FOXN3: variants seen among roughly 807,000 people sequenced by gnomAD.
The protein encoded by FOXN3 is forkhead box protein N3.
In FOXN3, 7 loss-of-function variants were observed where a neutral mutation model predicts 38.4. The ratio of observed to expected loss-of-function variants is 0.18; its 90% confidence interval spans 0.10 to 0.34. The LOEUF (loss-of-function observed/expected upper bound fraction) is 0.34. Among genes scored for constraint, FOXN3 ranks in the 10% least tolerant of loss-of-function variants. The pLI is 1.00. For missense variants in FOXN3, 456 were observed against 613.4 expected (o/e 0.74, Z 2.71); for synonymous variants, 230 against 242.2 (o/e 0.95, Z 0.47).
chr14:89,384,507 T>C (rs1890740554), intron 2 of FOXN3, among the ~76,000 whole-genome samples: 1 of 152,182 alleles, frequency 6.6e-6, no homozygotes, highest in African/African-American at 2.4e-5. Context: ...CTAATGACTT[T>C]CATTCATATA....
intron 1 of FOXN3, among the ~76,000 whole-genome samples, chr14:89,415,296 GCT>G (rs1224125542): frequency 6.6e-6 from 1 of 152,152 alleles, no homozygotes; most frequent in Non-Finnish European, 1.5e-5. Flanking sequence ...ACAACATGCT[GCT>G]CTCTTTCTTT....
chr14:89,197,238 T>G (rs1381803505), intron 4 of FOXN3, among the ~76,000 whole-genome samples: 1 of 152,134 alleles, frequency 6.6e-6, no homozygotes, highest in Non-Finnish European at 1.5e-5. Context: ...CTGGGAGTGG[T>G]AGCTTGTGCC....
At chr14:89,494,355 A>G (rs377210769) in intron 1 of FOXN3, among the ~76,000 whole-genome samples, 31 of 152,240 alleles carry the variant, frequency 2.0e-4, no homozygotes, top group African/African-American at 7.2e-4. Context: ...CACTGCTTTA[A>G]TATTTTTTTA....
chr14:89,171,495 A>C (rs1181302124), intron 5 of FOXN3, among the ~76,000 whole-genome samples: 2 of 152,208 alleles, frequency 1.3e-5, no homozygotes, highest in Non-Finnish European at 2.9e-5. Flanking sequence ...AAACAAAGAC[A>C]CAAAATTCAT....
At chr14:89,421,481 C>T (rs1200033855), upstream of FOXN3, among the ~76,000 whole-genome samples, 1 of 149,648 alleles carries the variant, frequency 6.7e-6, no homozygotes, top group African/African-American at 2.5e-5. Flanking sequence ...TGAAATCGTG[C>T]AATTGTCCGT....
intron 1 of FOXN3, among the ~76,000 whole-genome samples, chr14:89,414,879 C>T (rs1485912371): frequency 2.0e-5 from 3 of 152,132 alleles, no homozygotes; most frequent in East Asian, 3.9e-4. Flanking sequence ...GGAGAGAAAA[C>T]TTCATGAGGC....
At chr14:89,443,652 A>T (rs1354819711) in intron 1 of FOXN3, among the ~76,000 whole-genome samples, 1 of 152,220 alleles carries the variant, frequency 6.6e-6, no homozygotes. Context: ...TCAGAGAACC[A>T]AGAAATGGAC....
At chr14:89,557,406 TGGTG>T (rs1566698969) in intron 1 of FOXN3, among the ~76,000 whole-genome samples, 1 of 152,024 alleles carries the variant, frequency 6.6e-6, no homozygotes, top group Non-Finnish European at 1.5e-5. Flanking sequence ...ATACATAAGG[TGGTG>T]AGATGTGCCA....
At chr14:89,229,884 A>G (rs966673638) in intron 4 of FOXN3, among the ~76,000 whole-genome samples, 1 of 152,232 alleles carries the variant, frequency 6.6e-6, no homozygotes, top group Non-Finnish European at 1.5e-5. Context: ...AGGTACAGGC[A>G]GAGGAGAACA....
At chr14:89,417,626 A>AC (rs936243644), upstream of FOXN3, 8 of 451,814 alleles carry the variant, frequency 1.8e-5, no homozygotes, top group African/African-American at 1.6e-4. Context: ...GAACGCTCCT[A>AC]CCCCATCTGC....
chr14:89,288,453 C>T lies in FOXN3; in HGVS notation c.681-7439G>A, dbSNP rs569127967. The stretch of plus-strand genomic sequence containing the variant: ...GCAGCTGCTCTGGCACCATATCTAT[C>T]GAGCTATTTTATTTTACTTTTAAAC... On this transcript the variant is annotated intron_variant, in intron 3 of 5. Transcript: ENST00000557258. Among the ~76,000 whole-genome samples, 75 of 152,106 alleles carry T rather than the reference C, an allele frequency of 4.9e-4. 1 individual carries two copies. The highest frequency in any genetic ancestry group is 1.7e-3 in the African/African-American group (71 of 41,482).
chr14:89,552,607 C>T (rs1344895583), intron 1 of FOXN3, among the ~76,000 whole-genome samples: 1 of 152,110 alleles, frequency 6.6e-6, no homozygotes, highest in Non-Finnish European at 1.5e-5. Flanking sequence ...ACCTGTAATC[C>T]CAACACTTTG....
chr14:89,273,833 G>A (rs1278490361), intron 4 of FOXN3, among the ~76,000 whole-genome samples: 1 of 152,196 alleles, frequency 6.6e-6, no homozygotes, highest in Non-Finnish European at 1.5e-5. Flanking sequence ...ATGATGCCAA[G>A]AATAAAGGGC....
chr14:89,272,237 C>T (rs1211832957), intron 4 of FOXN3, among the ~76,000 whole-genome samples: 3 of 151,846 alleles, frequency 2.0e-5, no homozygotes, highest in Non-Finnish European at 4.4e-5. Context: ...CGCTTGAACC[C>T]GGGAGGCGGA....
At chr14:89,617,223 T>C (rs921469447) in intron 1 of FOXN3, among the ~76,000 whole-genome samples, 6 of 152,234 alleles carry the variant, frequency 3.9e-5, no homozygotes, top group Non-Finnish European at 8.8e-5. Context: ...GGACAGTGCT[T>C]CTTTAATGAA....
intron 3 of FOXN3, among the ~76,000 whole-genome samples, chr14:89,322,902 TC>T (rs1392255199): frequency 1.3e-5 from 2 of 151,884 alleles, no homozygotes; most frequent in African/African-American, 4.8e-5. Flanking sequence ...CAAAAGAAAG[TC>T]CCCGCTCTCA....
intron 4 of FOXN3, among the ~76,000 whole-genome samples, chr14:89,240,972 T>G (rs1217320160): frequency 6.6e-6 from 1 of 152,144 alleles, no homozygotes; most frequent in Non-Finnish European, 1.5e-5. Flanking sequence ...TACGCCTCAC[T>G]CAATACTTGC....
At chr14:89,355,264 CGT>C (rs1171655790) in intron 2 of FOXN3, 3 of 149,476 alleles carry the variant, frequency 2.0e-5, no homozygotes, top group Non-Finnish European at 3.0e-5. Flanking sequence ...CTCACTCTGT[CGT>C]GCCCAGGCTG....
intron 3 of FOXN3, among the ~76,000 whole-genome samples, chr14:89,335,095 A>T (rs1325202657): frequency 6.2e-5 from 9 of 146,102 alleles, no homozygotes; most frequent in East Asian, 2.0e-4. Context: ...ACACACACAC[A>T]CACACACACA....
Sources: allele counts gnomAD v4.1 joint callset (sites outside exome capture counted in the v4.1 genomes callset), GRCh38; gene constraint gnomAD v4.1.1; transcripts MANE v1.5; gene names NCBI Gene and HGNC (gene_info 2026-07-23, HGNC 2026-07-21).